Variants in SGCZ observed in about 807,000 individuals in gnomAD.
SGCZ encodes zeta-sarcoglycan.
SGCZ carries 40 observed loss-of-function variants against 41.3 expected under a neutral mutation model. That is an observed-to-expected ratio of 0.97 (90% confidence interval 0.75 to 1.26). The LOEUF is 1.26. SGCZ is among the 50% of genes most tolerant of loss of function. The pLI is 0.00. For synonymous variants in SGCZ, 206 were observed against 137.5 expected (o/e 1.50, Z -3.49); for missense variants, 552 against 369.8 (o/e 1.49, Z -4.04).
intron 1 of SGCZ, among the ~76,000 whole-genome samples, chr8:15,199,332 C>G (rs1176393313): frequency 6.6e-6 from 1 of 152,174 alleles, no homozygotes; most frequent in African/African-American, 2.4e-5. Flanking sequence ...TCAGTCTAGA[C>G]CATAGAAGCA....
chr8:14,749,519 T>A (rs1403336941), intron 1 of SGCZ, among the ~76,000 whole-genome samples: 1 of 152,196 alleles, frequency 6.6e-6, no homozygotes, highest in Non-Finnish European at 1.5e-5. Flanking sequence ...GATACAAGTA[T>A]TTCATTTGGA....
At chr8:14,414,322 G>A (rs998001151) in intron 2 of SGCZ, among the ~76,000 whole-genome samples, 9 of 151,762 alleles carry the variant, frequency 5.9e-5, no homozygotes, top group East Asian at 1.9e-4. Context: ...TACTATATAC[G>A]TATGACACTA....
chr8:15,065,773 A>G (rs1195385712), intron 1 of SGCZ, among the ~76,000 whole-genome samples: 3 of 152,124 alleles, frequency 2.0e-5, no homozygotes, highest in Non-Finnish European at 4.4e-5. Flanking sequence ...TTCTCTGAAT[A>G]AGCCATAGAT....
chr8:15,181,567 T>G (rs1800181109), intron 1 of SGCZ, among the ~76,000 whole-genome samples: 1 of 152,200 alleles, frequency 6.6e-6, no homozygotes, highest in Non-Finnish European at 1.5e-5. Context: ...AGCAAATAAG[T>G]GCTTGTGTCT....
In SGCZ at chr8:15,033,660, C is replaced by G. The variant is rs553279947; in HGVS notation, c.39+203925G>C. Among the ~76,000 whole-genome samples the G allele has an allele frequency of 2.2e-4, 34 of 152,246 alleles. 1 individual carries two copies. The highest frequency in any genetic ancestry group is 2.0e-3 in the Admixed American group (30 of 15,294). The stretch of plus-strand genomic sequence containing the variant: ...ATGGCCTAAAGCTCCAGACGCATCC[C>G]AGTGGACCTAGGCATAAGGCTTATC... On this transcript the variant is annotated intron_variant, in intron 1 of 7. Transcript: ENST00000382080.
intron 1 of SGCZ, among the ~76,000 whole-genome samples, chr8:15,099,934 G>A (rs1363959238): frequency 1.6e-5 from 2 of 127,796 alleles, no homozygotes; most frequent in Admixed American, 8.9e-5. Flanking sequence ...AGCAAAATTA[G>A]GAATAAAAGG....
In SGCZ at chr8:14,318,212, A is replaced by G. The variant is rs1056718744; in HGVS notation, c.336+5891T>C. 2.6e-5 allele frequency among the ~76,000 whole-genome samples: 4 copies of G among 151,828 alleles called. No homozygotes were observed. In the East Asian group the frequency reaches 7.7e-4, roughly 29 times the overall value. On this transcript the variant is annotated intron_variant, in intron 3 of 7. Transcript: ENST00000382080. ...GAAGAGGAAAGGCGGGAAAGGGGGG[A>G]AGAGAAAAGGAGAGGAACAGGAGGA... is the stretch of plus-strand genomic sequence containing the variant.
At chr8:14,908,874 G>A (rs374389556) in intron 1 of SGCZ, among the ~76,000 whole-genome samples, 8 of 151,846 alleles carry the variant, frequency 5.3e-5, no homozygotes, top group African/African-American at 1.9e-4. Context: ...TATATGCGAC[G>A]AATAGTTTGT....
chr8:14,129,455 T>A (rs1802968486), intron 5 of SGCZ, among the ~76,000 whole-genome samples: 1 of 142,184 alleles, frequency 7.0e-6, no homozygotes, highest in Admixed American at 7.0e-5. Context: ...ATGTAGAAAT[T>A]AAACAATAGC....
chr8:14,189,873 T>A (rs531759608), intron 4 of SGCZ, among the ~76,000 whole-genome samples: 1 of 152,226 alleles, frequency 6.6e-6, no homozygotes, highest in Non-Finnish European at 1.5e-5. Context: ...GTGATTAAAA[T>A]GTTTCTAACC....
At chr8:14,353,491 A>T (rs113387901) in intron 2 of SGCZ, among the ~76,000 whole-genome samples, 1,911 of 152,190 alleles carry the variant, frequency 0.013, 44 homozygotes, top group African/African-American at 0.043. Flanking sequence ...TGCTTTACAG[A>T]TATTTCCAAT....
At chr8:14,699,792 A>G (rs1585192164) in intron 1 of SGCZ, among the ~76,000 whole-genome samples, 1 of 152,080 alleles carries the variant, frequency 6.6e-6, no homozygotes, top group African/African-American at 2.4e-5. Context: ...ATTACCACAA[A>G]AGACATGAAC....
chr8:14,619,809 A>G (rs1191264520), intron 1 of SGCZ, among the ~76,000 whole-genome samples: 3 of 152,156 alleles, frequency 2.0e-5, no homozygotes, highest in Non-Finnish European at 4.4e-5. Flanking sequence ...ACAAATGGAA[A>G]CACATTCCAT....
chr8:14,201,841 A>G (rs1805465581), intron 4 of SGCZ, among the ~76,000 whole-genome samples: 1 of 150,336 alleles, frequency 6.7e-6, no homozygotes, highest in South Asian at 2.1e-4. Flanking sequence ...CAGAAGTATC[A>G]CTAGTGAGAT....
intron 1 of SGCZ, among the ~76,000 whole-genome samples, chr8:14,686,604 C>T (rs980726262): frequency 6.6e-6 from 1 of 151,988 alleles, no homozygotes; most frequent in African/African-American, 2.4e-5. Flanking sequence ...TTCTGGAGAT[C>T]ATGGCTATTA....
intron 1 of SGCZ, among the ~76,000 whole-genome samples, chr8:14,567,601 C>G (rs541509979): frequency 2.0e-5 from 3 of 152,262 alleles, no homozygotes; most frequent in African/African-American, 4.8e-5. Context: ...AGCAGGCTGC[C>G]TAAGCCAGCA....
chr8:14,866,388 T>G (rs1176217589), intron 1 of SGCZ, among the ~76,000 whole-genome samples: 1 of 152,128 alleles, frequency 6.6e-6, no homozygotes, highest in African/African-American at 2.4e-5. Context: ...TTCAGCATCT[T>G]TTGAGACTCT....
Position 15,214,111 on chromosome 8 carries a change from G to C in SGCZ, c.39+23474C>G, listed in dbSNP as rs182108126. 5.4e-4 allele frequency among the ~76,000 whole-genome samples: 82 copies of C among 151,812 alleles called. 3 individuals are homozygous for C. In the South Asian group the frequency reaches 0.016, roughly 30 times the overall value. On this transcript the variant is annotated intron_variant, in intron 1 of 7. Transcript: ENST00000382080. ...CTAGTATAATGAAATGTTCTCTGAT[G>C]ATCAGCCATGTGAAAAAAAACATCA...
At chr8:15,231,517 C>T (rs1204780899) in intron 1 of SGCZ, among the ~76,000 whole-genome samples, 1 of 149,862 alleles carries the variant, frequency 6.7e-6, no homozygotes, top group African/African-American at 2.5e-5. Context: ...TCATCAGTTT[C>T]ACTGAGAATA....
Sources: allele counts gnomAD v4.1 joint callset (sites outside exome capture counted in the v4.1 genomes callset), GRCh38; gene constraint gnomAD v4.1.1; transcripts MANE v1.5; gene names NCBI Gene and HGNC (gene_info 2026-07-23, HGNC 2026-07-21).